Variants in IL1RAPL1 observed in about 807,000 individuals in gnomAD.
IL1RAPL1 encodes interleukin 1 receptor accessory protein like 1, also known as interleukin-1 receptor accessory protein-like 1.
In IL1RAPL1, 3 loss-of-function variants were observed where a neutral mutation model predicts 48.4. The observed-to-expected ratio is 0.06, with a 90% CI of 0.03 to 0.16. The LOEUF is 0.16. IL1RAPL1 is among the 10% of genes least tolerant of loss of function. IL1RAPL1 has a pLI of 1.00. For synonymous variants in IL1RAPL1, 185 were observed against 187.7 expected, an observed-to-expected ratio of 0.99 and a Z score of 0.12; for missense variants, 349 against 530.6, an observed-to-expected ratio of 0.66 and a Z score of 3.36.
chrX:29,491,634 T>A (rs2147754005), intron 5 of IL1RAPL1, among the ~76,000 whole-genome samples: 1 of 112,625 alleles, frequency 8.9e-6, no homozygotes, highest in East Asian at 2.8e-4. Context: ...TCTAGCAGTA[T>A]TTAATTGCAT....
chrX:29,379,071 C>T (rs1028825791), intron 3 of IL1RAPL1, among the ~76,000 whole-genome samples: 2 of 112,301 alleles, frequency 1.8e-5, no homozygotes, highest in African/African-American at 3.2e-5. Flanking sequence ...TTAGCATTCC[C>T]GAACTGTGCA....
chrX:29,814,578 T>C (rs1930450724), intron 6 of IL1RAPL1, among the ~76,000 whole-genome samples: 1 of 111,857 alleles, frequency 8.9e-6, no homozygotes, highest in South Asian at 3.7e-4. Flanking sequence ...AGGAGCTTAG[T>C]TTGATTAGAT....
chrX:29,576,856 G>A (rs899283904), intron 5 of IL1RAPL1, among the ~76,000 whole-genome samples: 3 of 108,101 alleles, frequency 2.8e-5, no homozygotes, highest in African/African-American at 1.0e-4. Context: ...TTTAATTTTG[G>A]TTTCTAATAT....
chrX:28,780,526 A>T (rs1247244922), intron 1 of IL1RAPL1, among the ~76,000 whole-genome samples: 1 of 110,954 alleles, frequency 9.0e-6, no homozygotes, highest in Non-Finnish European at 1.9e-5. Context: ...TGACTCTTGG[A>T]TTTAGAAACG....
At chrX:29,782,166 C>A (rs1929361461) in intron 6 of IL1RAPL1, among the ~76,000 whole-genome samples, 1 of 109,305 alleles carries the variant, frequency 9.1e-6, no homozygotes, top group South Asian at 3.9e-4. Context: ...ACCTACCTAC[C>A]TATATAGGTA....
rs1352282430 is a variant in IL1RAPL1, at chrX:28,930,251, C to A, written c.82+140826C>A. Reference sequence around the variant, plus strand: ...CAATTCAAAATATAACATGCAGTAGCTATTTTTTAAAAAAAATTTTATTTG... The same window carrying A: ...CAATTCAAAATATAACATGCAGTAGATATTTTTTAAAAAAAATTTTATTTG... On this transcript the variant is annotated intron_variant, in intron 2 of 10. Transcript: ENST00000378993. Among the ~76,000 whole-genome samples the A allele has an allele frequency of 6.2e-5, 7 of 112,126 alleles. No homozygotes were observed. The Admixed American group carries it at 6.6e-4, about 11-fold the overall frequency.
At chrX:29,803,076 CAT>C (rs1491321934) in intron 6 of IL1RAPL1, among the ~76,000 whole-genome samples, 21 of 84,937 alleles carry the variant, frequency 2.5e-4, no homozygotes, top group African/African-American at 7.2e-4. Flanking sequence ...TGCATGTATA[CAT>C]ATATGTGTAT....
chrX:29,468,396 C>T (rs1339707338), intron 5 of IL1RAPL1, among the ~76,000 whole-genome samples: 4 of 111,936 alleles, frequency 3.6e-5, no homozygotes, highest in African/African-American at 3.2e-5. Context: ...ATCTCTTACC[C>T]GAGTATCTAC....
intron 1 of IL1RAPL1, among the ~76,000 whole-genome samples, chrX:28,704,820 A>C (rs1935348678): frequency 1.8e-5 from 1 of 55,654 alleles, no homozygotes; most frequent in Non-Finnish European, 3.3e-5. Flanking sequence ...ACACACACAC[A>C]CACACACACA....
At chrX:29,774,470 G>A (rs990707054) in intron 6 of IL1RAPL1, among the ~76,000 whole-genome samples, 11 of 111,804 alleles carry the variant, frequency 9.8e-5, no homozygotes, top group Middle Eastern at 4.6e-3. Flanking sequence ...CAACATTAAA[G>A]CAACAATAAT....
chrX:29,072,041 A>T (rs778715170), intron 2 of IL1RAPL1, among the ~76,000 whole-genome samples: 2 of 111,158 alleles, frequency 1.8e-5, no homozygotes, highest in South Asian at 3.9e-4. Flanking sequence ...TCAACTTGAG[A>T]GTCTGTTCAT....
intron 6 of IL1RAPL1, among the ~76,000 whole-genome samples, chrX:29,810,242 G>A (rs1371903989): frequency 1.8e-5 from 2 of 109,667 alleles, no homozygotes; most frequent in Non-Finnish European, 3.8e-5. Flanking sequence ...CCAGGCTGGA[G>A]TGCAGTGGGG....
chrX:28,717,544 G>A (rs1935518728), intron 1 of IL1RAPL1, among the ~76,000 whole-genome samples: 1 of 110,628 alleles, frequency 9.0e-6, no homozygotes, highest in African/African-American at 3.3e-5. Flanking sequence ...ATAACTAATG[G>A]ATACTAGGCT....
chrX:29,358,206 G>A (rs1210122364), intron 3 of IL1RAPL1, among the ~76,000 whole-genome samples: 1 of 111,264 alleles, frequency 9.0e-6, no homozygotes, highest in East Asian at 2.8e-4. Context: ...AAGAGGGCAG[G>A]AGGTCAGAAA....
At chrX:28,964,837 AG>A (rs774815149) in intron 2 of IL1RAPL1, among the ~76,000 whole-genome samples, 1 of 110,739 alleles carries the variant, frequency 9.0e-6, no homozygotes, top group East Asian at 2.8e-4. Context: ...TTTTTCTCTA[AG>A]GTTTGGGATC....
chrX:29,023,362 G>A (rs1195722552), intron 2 of IL1RAPL1, among the ~76,000 whole-genome samples: 1 of 112,201 alleles, frequency 8.9e-6, no homozygotes, highest in Non-Finnish European at 1.9e-5. Context: ...GTTGGCCATT[G>A]TGAAATTTGC....
intron 2 of IL1RAPL1, among the ~76,000 whole-genome samples, chrX:29,088,315 G>T (rs1358789049): frequency 9.0e-6 from 1 of 111,532 alleles, no homozygotes; most frequent in Non-Finnish European, 1.9e-5. Context: ...CTAGCTTTAG[G>T]TACATTACAA....
intron 5 of IL1RAPL1, among the ~76,000 whole-genome samples, chrX:29,463,350 A>G (rs1277363684): frequency 6.2e-5 from 7 of 112,086 alleles, no homozygotes; most frequent in Non-Finnish European, 1.3e-4. Context: ...CGAAAGTGGT[A>G]TAATACCTTT....
rs1196297065 is a variant in IL1RAPL1, at chrX:28,722,133, A to G, written c.-24-67187A>G. Among the ~76,000 whole-genome samples, 11 of 111,804 alleles carry G rather than the reference A, an allele frequency of 9.8e-5. No homozygotes were observed. The Admixed American group carries it at 1.0e-3, about 11-fold the overall frequency. On this transcript the variant is annotated intron_variant, in intron 1 of 10. Transcript: ENST00000378993. ...GTAGCTTTTTCTAATTCTGCGAAGAAAGTCATTGGTAGCTTGATGGGGATG... is the reference window on the plus strand; with the variant it reads ...GTAGCTTTTTCTAATTCTGCGAAGAGAGTCATTGGTAGCTTGATGGGGATG...
Sources: gnomAD v4.1 joint callset for allele counts (sites outside exome capture counted in the v4.1 genomes callset) on GRCh38, gnomAD v4.1.1 for gene constraint, MANE v1.5 for transcripts, NCBI Gene and HGNC (gene_info 2026-07-23, HGNC 2026-07-21) for gene names.